Variants in ANXA11 observed in about 807,000 individuals in gnomAD.
ANXA11 encodes the protein annexin A11.
ANXA11 carries 57 observed loss-of-function variants against 64.7 expected under a neutral mutation model. The observed-to-expected ratio is 0.88, with a 90% CI of 0.71 to 1.10. The LOEUF is 1.10. Ranked by LOEUF, ANXA11 falls within the 50% of genes least tolerant of loss-of-function variation. ANXA11 has a pLI of 0.00. For synonymous variants in ANXA11, 260 were observed against 265.2 expected (o/e 0.98, Z 0.19); for missense variants, 675 against 670.7 (o/e 1.01, Z -0.07).
chr10:80,159,017 C>G, intron 13 of ANXA11, 83 bp downstream of exon 13: 1 of 1,017,690 alleles, frequency 9.8e-7, no homozygotes, highest in Non-Finnish European at 1.6e-6. Context: ...TGTCACCCAT[C>G]AGCTGGAGGA....
chr10:80,192,184 G>A (rs556511456), intron 1 of ANXA11, among the ~76,000 whole-genome samples: 3 of 152,336 alleles, frequency 2.0e-5, no homozygotes, highest in South Asian at 4.1e-4. Flanking sequence ...GAAGACCAGC[G>A]CTGAGGAGAG....
At chr10:80,181,910 A>T (rs1846368972) in intron 1 of ANXA11, among the ~76,000 whole-genome samples, 1 of 152,214 alleles carries the variant, frequency 6.6e-6, no homozygotes, top group Non-Finnish European at 1.5e-5. Context: ...TAGTTTTACC[A>T]ATGATCCAGC....
chr10:80,178,628 T>A (rs1265688748), intron 1 of ANXA11, among the ~76,000 whole-genome samples: 1 of 152,178 alleles, frequency 6.6e-6, no homozygotes. Context: ...TGGAAAACAG[T>A]CCCCTATAGG....
rs751807530 is a variant in ANXA11, at chr10:80,161,990, G to T, written c.1125C>A (p.Asp375Glu). ...YAAGENRLGT[D>E]ESKFNAVLCS... Reference sequence around the variant, plus strand: ...ACAGAACCGCATTGAACTTGGACTCGTCTGTTCCCAGGCGGTTCTCCCCGG... The same window carrying T: ...ACAGAACCGCATTGAACTTGGACTCTTCTGTTCCCAGGCGGTTCTCCCCGG... Residue 375 changes from aspartate to glutamate, a missense_variant, in exon 12 of 16, where the codon GAC (aspartate) becomes GAA (glutamate). Coordinates refer to ENST00000422982, the MANE Select transcript of ANXA11 (RefSeq NM_145868.2). 1 of 1,612,492 alleles carries T rather than the reference G, an allele frequency of 6.2e-7. No individual in the cohort carries two copies. The highest frequency in any genetic ancestry group is 2.2e-5 in the East Asian group (1 of 44,876).
intron 1 of ANXA11, among the ~76,000 whole-genome samples, chr10:80,201,216 C>T (rs11202083): frequency 1.3e-5 from 2 of 152,130 alleles, no homozygotes; most frequent in Admixed American, 6.5e-5. Flanking sequence ...TCACCACAGC[C>T]GCGATGCCAA....
At chr10:80,205,135 G>A (rs571821042) in intron 1 of ANXA11, among the ~76,000 whole-genome samples, 194 of 152,196 alleles carry the variant, frequency 1.3e-3, no homozygotes, top group Non-Finnish European at 2.4e-3. Context: ...CGCCGAGGCT[G>A]ATCTAGGGGG....
rs564117121 is a variant in ANXA11 at position 80,157,529 on chromosome 10, A to G, written c.1458+112T>C. ...TGAACAAGTCCGAGGTCCATAATCA[A>G]GATGCCCACACACAGCACAGAGGCC... On this transcript the variant is annotated intron_variant, in intron 15 of 15. Transcript: ENST00000422982. 1.6e-4 allele frequency: 237 copies of G among 1,503,816 alleles called. No individual in the cohort carries two copies. The Middle Eastern group carries it at 2.5e-3, about 16-fold the overall frequency. The allele number at this position is 1,503,816 out of a possible 1,614,324, so 93.2% of individuals were successfully genotyped here.
At chr10:80,156,520 C>T (rs1589411343) in intron 15 of ANXA11, 5 of 386,990 alleles carry the variant, frequency 1.3e-5, no homozygotes, top group Admixed American at 8.7e-5. Context: ...TATTAACTCT[C>T]TTTTTTTTTT....
In ANXA11 at chr10:80,201,805, C is replaced by T. The variant is rs145538326; in HGVS notation, c.-58+3538G>A. On this transcript the variant is annotated intron_variant, in intron 1 of 15. Transcript: ENST00000422982. ...ACCCTTTCCCCCAGTGGTGCCACTC[C>T]CCAGGCTGGATATGCCATATGCTCC... Among the ~76,000 whole-genome samples, 23 of 152,284 alleles carry T rather than the reference C, an allele frequency of 1.5e-4. 2 individuals are homozygous for T. The East Asian group carries it at 4.4e-3, about 29-fold the overall frequency.
intron 1 of ANXA11, among the ~76,000 whole-genome samples, chr10:80,202,143 C>T (rs916448837): frequency 3.4e-5 from 5 of 147,414 alleles, no homozygotes; most frequent in African/African-American, 1.3e-4. Context: ...CAAACATCTT[C>T]TCATCTGATT....
intron 1 of ANXA11, among the ~76,000 whole-genome samples, chr10:80,204,528 G>A (rs1319795002): frequency 6.6e-6 from 1 of 152,242 alleles, no homozygotes; most frequent in African/African-American, 2.4e-5. Flanking sequence ...TCTACAGAGA[G>A]GTCAAGGATT....
Position 80,167,126 on chromosome 10 carries a change from G to A in ANXA11, c.649+100C>T, listed in dbSNP as rs1845776955. ...CCACCTTCTATCACCACTGGGGCCA[G>A]GTCAGCGTCCCCCAGCTACCCCAGC... On this transcript the variant is annotated intron_variant, in intron 6 of 15. Transcript: ENST00000422982. 3 of 1,347,460 alleles carry A rather than the reference G, an allele frequency of 2.2e-6. No homozygotes were observed. In the African/African-American group the frequency reaches 4.3e-5, roughly 19 times the overall value. The allele number at this position is 1,347,460 out of a possible 1,614,324, so 83.5% of individuals were successfully genotyped here.
chr10:80,167,405 T>A, intron 5 of ANXA11, 92 bp from the exon 6 acceptor site: 1 of 1,152,218 alleles, frequency 8.7e-7, no homozygotes, highest in Non-Finnish European at 1.3e-6. Flanking sequence ...GGAACAGCCC[T>A]TTCTCTAAGA....
chr10:80,189,559 G>A (rs1220742512), intron 1 of ANXA11, among the ~76,000 whole-genome samples: 3 of 152,252 alleles, frequency 2.0e-5, no homozygotes, highest in African/African-American at 7.2e-5. Flanking sequence ...CATTCAAAAT[G>A]TGTGGGATCA....
At chr10:80,178,329 A>G (rs74145417) in intron 1 of ANXA11, among the ~76,000 whole-genome samples, 1,812 of 152,122 alleles carry the variant, frequency 0.012, 42 homozygotes, top group African/African-American at 0.042. Flanking sequence ...TGCTGGTGCA[A>G]TTCTGATGGC....
At chr10:80,179,425 A>T (rs759521219) in intron 1 of ANXA11, among the ~76,000 whole-genome samples, 1 of 152,184 alleles carries the variant, frequency 6.6e-6, no homozygotes, top group Non-Finnish European at 1.5e-5. Flanking sequence ...TTTATAAATT[A>T]CCCAGTTTCA....
rs939536635 is a variant in ANXA11, at chr10:80,154,216, C to G, written c.*1637G>C. The G allele has an allele frequency of 2.6e-5, 4 of 152,198 alleles. No individual in the cohort carries two copies. Among genetic ancestry groups the G allele is most frequent in the Non-Finnish European group, 4.4e-5 (3 of 68,126 alleles). 9.4% of individuals were successfully genotyped at this position (152,198 alleles called of 1,614,324 possible). ...TCCTGGGTTCAAGTGATTCTCCTGC[C>G]TCAGCATCCTGTGTAGCTGGGATTA... On this transcript the variant is annotated 3_prime_UTR_variant, in exon 16 of 16. Transcript: ENST00000422982.
intron 11 of ANXA11, among the ~76,000 whole-genome samples, chr10:80,162,281 GC>G (rs1845545841): frequency 1.3e-5 from 2 of 152,258 alleles, no homozygotes; most frequent in Non-Finnish European, 2.9e-5. Flanking sequence ...GACTGAGAAG[GC>G]AGAGCATGAG....
At chr10:80,195,507 G>A (rs900227221) in intron 1 of ANXA11, among the ~76,000 whole-genome samples, 5 of 152,196 alleles carry the variant, frequency 3.3e-5, no homozygotes, top group African/African-American at 1.2e-4. Context: ...GCATGATGGA[G>A]AGAAGCACAA....
Sources: gnomAD v4.1 joint callset for allele counts (sites outside exome capture counted in the v4.1 genomes callset) on GRCh38, gnomAD v4.1.1 for gene constraint, MANE v1.5 for transcripts, NCBI Gene and HGNC (gene_info 2026-07-23, HGNC 2026-07-21) for gene names.